The following MARCHF1 variants were observed in gnomAD, a reference collection of about 807,000 sequenced individuals.
The protein encoded by MARCHF1 is E3 ubiquitin-protein ligase MARCHF1.
MARCHF1 carries 40 observed loss-of-function variants against 54.2 expected under a neutral mutation model. That is an observed-to-expected ratio of 0.74 (90% CI 0.57 to 0.96). The LOEUF (loss-of-function observed/expected upper bound fraction) is 0.96, where lower values mean the gene tolerates loss of function less well. Among genes scored for constraint, MARCHF1 ranks in the 40% least tolerant of loss-of-function variants. MARCHF1 has a pLI of 0.00. For synonymous variants in MARCHF1, 236 were observed against 236.3 expected (o/e 1.00, Z 0.01); for missense variants, 586 against 656.5 (o/e 0.89, Z 1.17).
intron 3 of MARCHF1, among the ~76,000 whole-genome samples, chr4:163,907,457 A>T (rs896669026): frequency 2.6e-5 from 4 of 152,108 alleles, no homozygotes; most frequent in African/African-American, 9.6e-5. Context: ...GATGGCACCT[A>T]TCTTATTACT....
chr4:164,073,245 C>T (rs1754907310), intron 2 of MARCHF1, among the ~76,000 whole-genome samples: 1 of 152,148 alleles, frequency 6.6e-6, no homozygotes, highest in Non-Finnish European at 1.5e-5. Context: ...AGAACCAACC[C>T]AAAATCCCCA....
At chr4:163,723,496 T>C (rs1213842354) in intron 4 of MARCHF1, among the ~76,000 whole-genome samples, 2 of 152,178 alleles carry the variant, frequency 1.3e-5, no homozygotes, top group African/African-American at 4.8e-5. Flanking sequence ...CTGACAATTA[T>C]GTGTCTTGGA....
intron 1 of MARCHF1, among the ~76,000 whole-genome samples, chr4:164,280,943 C>A (rs1734010159): frequency 6.6e-6 from 1 of 151,986 alleles, no homozygotes; most frequent in Non-Finnish European, 1.5e-5. Flanking sequence ...AATGACTGAG[C>A]AATTGTACAA....
intron 4 of MARCHF1, among the ~76,000 whole-genome samples, chr4:163,780,350 G>T (rs1005234870): frequency 6.6e-6 from 1 of 152,180 alleles, no homozygotes; most frequent in Non-Finnish European, 1.5e-5. Context: ...CCTTATCTTT[G>T]TCCAGTGGAA....
intron 1 of MARCHF1, among the ~76,000 whole-genome samples, chr4:164,310,551 A>G (rs1734821874): frequency 7.6e-6 from 1 of 130,736 alleles, no homozygotes; most frequent in Admixed American, 9.5e-5. Flanking sequence ...TGTAGATTCA[A>G]GAAACTATTA....
chr4:164,356,187 C>T (rs1730525743), intron 1 of MARCHF1, among the ~76,000 whole-genome samples: 1 of 108,926 alleles, frequency 9.2e-6, no homozygotes, highest in South Asian at 3.0e-4. Flanking sequence ...ACTAGTTCAA[C>T]CATTGTGGAA....
chr4:164,322,314 A>C (rs1294724956), intron 1 of MARCHF1, among the ~76,000 whole-genome samples: 1 of 152,126 alleles, frequency 6.6e-6, no homozygotes, highest in Non-Finnish European at 1.5e-5. Flanking sequence ...ACTCACTGAA[A>C]TCAAAGTGAT....
At chr4:163,848,298 T>A (rs1022012593) in intron 4 of MARCHF1, among the ~76,000 whole-genome samples, 1 of 152,186 alleles carries the variant, frequency 6.6e-6, no homozygotes, top group Non-Finnish European at 1.5e-5. Flanking sequence ...GATGAACATA[T>A]GTTTGAAAGT....
At chr4:164,269,111 C>A (rs1290779383) in intron 1 of MARCHF1, among the ~76,000 whole-genome samples, 1 of 151,964 alleles carries the variant, frequency 6.6e-6, no homozygotes, top group Non-Finnish European at 1.5e-5. Flanking sequence ...TGAAAGTTGC[C>A]AATGACAAGG....
chr4:164,171,587 T>G (rs968135892), intron 1 of MARCHF1, among the ~76,000 whole-genome samples: 2 of 128,366 alleles, frequency 1.6e-5, no homozygotes, highest in Admixed American at 7.4e-5. Context: ...AAAGTAGGAA[T>G]ACATTATTTT....
chr4:163,872,851 T>C (rs1005775004), intron 3 of MARCHF1, among the ~76,000 whole-genome samples: 34 of 151,894 alleles, frequency 2.2e-4, no homozygotes, highest in African/African-American at 8.2e-4. Flanking sequence ...GAGACCATCC[T>C]GGCTAACACA....
chr4:163,531,245 A>G (rs1455392046), intron 9 of MARCHF1, among the ~76,000 whole-genome samples: 1 of 151,960 alleles, frequency 6.6e-6, no homozygotes, highest in Non-Finnish European at 1.5e-5. Flanking sequence ...AAATATTAGC[A>G]AATTGAATTC....
intron 1 of MARCHF1, among the ~76,000 whole-genome samples, chr4:164,287,284 C>T (rs542088975): frequency 1.2e-4 from 19 of 152,070 alleles, no homozygotes; most frequent in African/African-American, 4.6e-4. Flanking sequence ...AGGAAAACAA[C>T]TCATCCTTAG....
chr4:163,811,503 A>AAG (rs924364672), intron 4 of MARCHF1, among the ~76,000 whole-genome samples: 4 of 151,816 alleles, frequency 2.6e-5, no homozygotes, highest in Admixed American at 2.0e-4. Flanking sequence ...AAAGAAAGGA[A>AAG]AGAGAGAGAG....
At chr4:163,689,487 C>G (rs1303036474) in intron 5 of MARCHF1, among the ~76,000 whole-genome samples, 1 of 152,182 alleles carries the variant, frequency 6.6e-6, no homozygotes, top group Non-Finnish European at 1.5e-5. Context: ...AGCTACTGAA[C>G]TGTTGAAATG....
intron 1 of MARCHF1, among the ~76,000 whole-genome samples, chr4:164,281,534 G>T (rs953216491): frequency 3.3e-5 from 5 of 152,094 alleles, no homozygotes; most frequent in African/African-American, 4.8e-5. Flanking sequence ...TGGCTGGAAC[G>T]AGAAGAAAAG....
At chr4:164,033,923 G>T (rs1358476647) in intron 2 of MARCHF1, among the ~76,000 whole-genome samples, 2 of 151,876 alleles carry the variant, frequency 1.3e-5, no homozygotes, top group Non-Finnish European at 2.9e-5. Flanking sequence ...CTCATTACTG[G>T]GTATATACCC....
chr4:163,838,568 C>G (rs1171427100), intron 4 of MARCHF1, among the ~76,000 whole-genome samples: 2 of 151,922 alleles, frequency 1.3e-5, no homozygotes, highest in Non-Finnish European at 2.9e-5. Context: ...AAGTTTAACC[C>G]AAAGCAAATG....
chr4:164,145,492 T>C lies in MARCHF1; in HGVS notation c.-322-33830A>G, dbSNP rs534020218. ...ATCCACCATGATCAAGTGGGCTTCA[T>C]CCCTGGGATGCAAGGCTGGTTCAAT... On this transcript the variant is annotated intron_variant, in intron 1 of 9. Coordinates refer to ENST00000514618, the MANE Select transcript of MARCHF1 (RefSeq NM_001394959.1). Among the ~76,000 whole-genome samples, 12 of 152,024 alleles carry C rather than the reference T, an allele frequency of 7.9e-5. No individual in the cohort carries two copies. In the South Asian group the frequency reaches 2.5e-3, roughly 32 times the overall value.
Sources: gnomAD v4.1 joint callset for allele counts (sites outside exome capture counted in the v4.1 genomes callset) on GRCh38, gnomAD v4.1.1 for gene constraint, MANE v1.5 for transcripts, NCBI Gene and HGNC (gene_info 2026-07-23, HGNC 2026-07-21) for gene names.